The following CEP170 variants were observed in gnomAD, a reference collection of about 807,000 sequenced individuals.
The protein encoded by CEP170 is centrosomal protein 170, also known as centrosomal protein of 170 kDa.
Under a neutral mutation model 151.9 loss-of-function variants are expected in CEP170, and 21 were observed. The observed-to-expected ratio is 0.14, with a 90% CI of 0.10 to 0.20. CEP170 has a LOEUF of 0.20. Ranked by LOEUF, CEP170 falls within the 10% of genes least tolerant of loss-of-function variation. CEP170 has a pLI of 1.00. For synonymous variants in CEP170, 356 were observed against 648.8 expected, an observed-to-expected ratio of 0.55 and a Z score of 6.86; for missense variants, 964 against 1,892.9, an observed-to-expected ratio of 0.51 and a Z score of 9.11.
chr1:243,234,025 G>C (rs896057205), intron 1 of CEP170, among the ~76,000 whole-genome samples: 15 of 152,062 alleles, frequency 9.9e-5, no homozygotes, highest in African/African-American at 3.4e-4. Context: ...ACAATTACTT[G>C]AGCTAAAACA....
In CEP170 at chr1:243,126,491, G is replaced by A. The variant is rs1429048521; in HGVS notation, c.4713C>T (p.Phe1571=). Residue 1571 remains phenylalanine, a synonymous_variant, in exon 20 of 20, where the codon TTC becomes TTT. Transcript: ENST00000366542. ...CATCTTCCTCTTCCCCATCGGGGTT[G>A]AATCTATTGAAATGTATACTGAAAT... ...EADFSIHFNR[F]NPDGEEEDVT... The A allele has an allele frequency of 1.7e-5, 28 of 1,609,904 alleles. No individual in the cohort carries two copies. The highest frequency in any genetic ancestry group is 2.3e-5 in the Non-Finnish European group (27 of 1,177,844).
chr1:243,141,998 C>A (rs1398860707), intron 15 of CEP170, among the ~76,000 whole-genome samples: 1 of 152,166 alleles, frequency 6.6e-6, no homozygotes, highest in Non-Finnish European at 1.5e-5. Context: ...TTTATACCAT[C>A]ATTTATCAAA....
At chr1:243,187,535 A>C (rs2060012614) in intron 8 of CEP170, among the ~76,000 whole-genome samples, 1 of 152,220 alleles carries the variant, frequency 6.6e-6, no homozygotes, top group African/African-American at 2.4e-5. Context: ...GGTACATTCT[A>C]ATGCTTCCAG....
rs2058388454 is a variant in CEP170, at chr1:243,165,699, C to T, written c.2261G>A (p.Arg754Lys). ...TLAKLQQQEQ[R>K]EEAQWTPTKL... ...AGTAGGTGTCCACTGAGCCTCCTCC[C>T]TTTGTTCTTGTTGTTGAAGTTTTGC... Residue 754 changes from arginine (R) to lysine (K), a missense_variant, in exon 13 of 20, where the codon AGG (arginine) becomes AAG (lysine). Physicochemically the swap from Arg to Lys is conservative, Grantham distance 26 (BLOSUM62 2). Transcript: ENST00000366542. 6.2e-7 allele frequency: 1 copy of T among 1,613,958 alleles called. No individual in the cohort carries two copies. The highest frequency in any genetic ancestry group is 8.5e-7 in the Non-Finnish European group (1 of 1,179,914).
chr1:243,160,049 A>C (rs909578346), intron 13 of CEP170, among the ~76,000 whole-genome samples: 15 of 152,052 alleles, frequency 9.9e-5, no homozygotes, highest in Non-Finnish European at 1.9e-4. Flanking sequence ...TCAGCCTCCC[A>C]AAGTCCTAGG....
chr1:243,216,903 T>A (rs898924327), intron 3 of CEP170, among the ~76,000 whole-genome samples: 1 of 152,206 alleles, frequency 6.6e-6, no homozygotes, highest in South Asian at 2.1e-4. Flanking sequence ...TTGAGTTTAC[T>A]AAAGTATTCG....
rs575060989 is a variant in CEP170, at chr1:243,207,677, C to T, written c.274+4209G>A. Reference sequence around the variant, plus strand: ...TAAATTGAAAAGGATTTGAGACATACAAAGTATGTTCTCTGAGCAAAATGG... The same window carrying T: ...TAAATTGAAAAGGATTTGAGACATATAAAGTATGTTCTCTGAGCAAAATGG... On this transcript the variant is annotated intron_variant, in intron 4 of 19. Transcript: ENST00000366542. Among the ~76,000 whole-genome samples the T allele has an allele frequency of 2.0e-5, 3 of 151,046 alleles. No homozygotes were observed. In the South Asian group the frequency reaches 6.4e-4, roughly 32 times the overall value.
At chr1:243,177,167 C>T (rs1464516383) in intron 10 of CEP170, among the ~76,000 whole-genome samples, 11 of 152,060 alleles carry the variant, frequency 7.2e-5, no homozygotes, top group Non-Finnish European at 1.0e-4. Context: ...ACATCAGATA[C>T]GGGAAGCTTG....
chr1:243,250,762 TTC>T (rs763568605), intron 1 of CEP170, among the ~76,000 whole-genome samples: 4 of 151,534 alleles, frequency 2.6e-5, no homozygotes, highest in Non-Finnish European at 5.9e-5. Flanking sequence ...CATGTAACAT[TTC>T]TCTCTCTCTC....
At chr1:243,246,062 T>G (rs552155817) in intron 1 of CEP170, among the ~76,000 whole-genome samples, 19 of 152,146 alleles carry the variant, frequency 1.2e-4, no homozygotes, top group Non-Finnish European at 2.6e-4. Context: ...TAAACTGATA[T>G]AAACTGGAGG....
chr1:243,158,446 T>C (rs190695944), intron 13 of CEP170, among the ~76,000 whole-genome samples: 88 of 152,266 alleles, frequency 5.8e-4, no homozygotes, highest in Admixed American at 1.2e-3. Context: ...AACGTAAGTA[T>C]GATAAAACTC....
intron 1 of CEP170, among the ~76,000 whole-genome samples, chr1:243,243,735 C>T (rs1475138021): frequency 2.6e-5 from 4 of 151,910 alleles, no homozygotes; most frequent in Admixed American, 2.6e-4. Context: ...ACCATGATGG[C>T]GAGGCTGGTC....
chr1:243,147,243 G>A (rs1329012653), intron 14 of CEP170, among the ~76,000 whole-genome samples: 1 of 152,134 alleles, frequency 6.6e-6, no homozygotes, highest in Non-Finnish European at 1.5e-5. Flanking sequence ...ATTTTCCCCT[G>A]AAGCCTTTTC....
At chr1:243,194,523 C>T (rs946990108) in intron 7 of CEP170, among the ~76,000 whole-genome samples, 5 of 151,844 alleles carry the variant, frequency 3.3e-5, no homozygotes, top group African/African-American at 7.3e-5. Flanking sequence ...TTCAAAAAAA[C>T]TATCAACTGT....
intron 8 of CEP170, among the ~76,000 whole-genome samples, chr1:243,189,210 C>T (rs1374073888): frequency 6.6e-6 from 1 of 152,074 alleles, no homozygotes; most frequent in Admixed American, 6.6e-5. Context: ...TGGAATTAGG[C>T]CCACAAATGG....
intron 11 of CEP170, 57 bp downstream of exon 11, chr1:243,172,640 A>G (rs1374160752): frequency 7.0e-6 from 9 of 1,285,826 alleles, no homozygotes; most frequent in African/African-American, 3.6e-5. Flanking sequence ...TCAGACAAGA[A>G]AAAAAAAAGA....
chr1:243,143,912 A>T (rs2056172768), intron 14 of CEP170, among the ~76,000 whole-genome samples: 2 of 152,212 alleles, frequency 1.3e-5, no homozygotes, highest in African/African-American at 2.4e-5. Context: ...ACTTTCAAGC[A>T]CATTAGTAAT....
In CEP170 at chr1:243,140,041, T is replaced by C; in HGVS notation, c.4126A>G (p.Thr1376Ala). Residue 1376 changes from threonine (T) to alanine (A), a missense_variant, in exon 16 of 20, where the codon ACA becomes GCA. Thr to Ala is a moderately conservative substitution (Grantham distance 58). Transcript: ENST00000366542. ...RKIPPLVHSK[T>A]PEGNNGRSGD... is the part of the protein sequence containing the mutation. ...GATCGACCGTTGTTTCCTTCTGGTG[T>C]TTTGGAATGAACTAATGGAGGAATC... 1 of 1,613,972 alleles carries C rather than the reference T, an allele frequency of 6.2e-7. No individual in the cohort carries two copies. The highest frequency in any genetic ancestry group is 2.2e-5 in the East Asian group (1 of 44,876).
intron 1 of CEP170, among the ~76,000 whole-genome samples, chr1:243,234,314 C>T (rs1023585318): frequency 3.9e-5 from 6 of 152,222 alleles, no homozygotes; most frequent in African/African-American, 7.2e-5. Context: ...CATGTGACAA[C>T]TTTTCTTTTG....
Sources: allele counts gnomAD v4.1 joint callset (sites outside exome capture counted in the v4.1 genomes callset), GRCh38; gene constraint gnomAD v4.1.1; transcripts MANE v1.5; gene names NCBI Gene and HGNC (gene_info 2026-07-23, HGNC 2026-07-21).